The following SLC35D4 variants were observed in gnomAD, a reference collection of about 807,000 sequenced individuals.
The protein encoded by SLC35D4 is solute carrier family 35 member D4.
the SLC35D4 span, among the ~76,000 whole-genome samples, chr18:23,330,820 G>A: frequency 1.3e-5 from 2 of 152,178 alleles, no homozygotes; most frequent in Admixed American, 6.5e-5. Context: ...AAATGCAACA[G>A]CAGCAAAGCA....
the SLC35D4 span, chr18:23,365,574 C>T: frequency 3.8e-6 from 6 of 1,581,498 alleles, no homozygotes; most frequent in Admixed American, 1.7e-5. Flanking sequence ...GAGACAGGCT[C>T]ACTGGGTCCA....
the SLC35D4 span, among the ~76,000 whole-genome samples, chr18:23,328,566 A>T: frequency 2.0e-5 from 3 of 152,198 alleles, no homozygotes; most frequent in Non-Finnish European, 4.4e-5. Context: ...GACACAAACA[A>T]ATGGAAGAAT....
the SLC35D4 span, among the ~76,000 whole-genome samples, chr18:23,361,026 C>G: frequency 3.0e-4 from 41 of 135,174 alleles, no homozygotes; most frequent in Non-Finnish European, 5.1e-4. Context: ...CACTTGAACC[C>G]AGGAGGCAGA....
chr18:23,259,071 C>T, the SLC35D4 span: 1 of 151,692 alleles, frequency 6.6e-6, no homozygotes, highest in Non-Finnish European at 1.5e-5. Flanking sequence ...TCAACTGGTA[C>T]TTAGGGCACT....
At chr18:23,255,344 C>T in the SLC35D4 span, among the ~76,000 whole-genome samples, 1 of 152,058 alleles carries the variant, frequency 6.6e-6, no homozygotes, top group African/African-American at 2.4e-5. Context: ...GTCTAGCTGT[C>T]TTCAGTGGCA....
the SLC35D4 span, among the ~76,000 whole-genome samples, chr18:23,329,015 G>A: frequency 2.0e-5 from 3 of 152,180 alleles, no homozygotes; most frequent in African/African-American, 7.2e-5. Flanking sequence ...GTAGAAAGCT[G>A]AAACTGGATC....
chr18:23,303,737 C>T, the SLC35D4 span, among the ~76,000 whole-genome samples: 1 of 150,832 alleles, frequency 6.6e-6, no homozygotes, highest in Non-Finnish European at 1.5e-5. Flanking sequence ...CTGGTCTCTC[C>T]TAAAAATACA....
the SLC35D4 span, among the ~76,000 whole-genome samples, chr18:23,388,264 G>T: frequency 6.6e-6 from 1 of 152,124 alleles, no homozygotes; most frequent in Non-Finnish European, 1.5e-5. Context: ...TATACATGTA[G>T]AATTAATTTT....
chr18:23,293,123 A>G, the SLC35D4 span, among the ~76,000 whole-genome samples: 3 of 152,206 alleles, frequency 2.0e-5, no homozygotes, highest in Non-Finnish European at 4.4e-5. Context: ...GCATGCCTGT[A>G]ATCCCAGCTA....
At chr18:23,437,791 A>G in the SLC35D4 span, 3 of 1,611,082 alleles carry the variant, frequency 1.9e-6, no homozygotes, top group Non-Finnish European at 2.5e-6. Context: ...CTTGTTCGTG[A>G]GGTAAGAAGC....
the SLC35D4 span, among the ~76,000 whole-genome samples, chr18:23,350,106 G>T: frequency 2.6e-5 from 4 of 152,036 alleles, no homozygotes; most frequent in Non-Finnish European, 2.9e-5. Context: ...CATAACATAC[G>T]GTAGCAACTC....
At chr18:23,260,642 A>C in the SLC35D4 span, among the ~76,000 whole-genome samples, 1 of 150,366 alleles carries the variant, frequency 6.7e-6, no homozygotes, top group African/African-American at 2.4e-5. Context: ...AATGAAGTGC[A>C]TTTGAGCCAG....
the SLC35D4 span, among the ~76,000 whole-genome samples, chr18:23,399,887 A>G: frequency 1.3e-5 from 2 of 152,246 alleles, no homozygotes; most frequent in African/African-American, 4.8e-5. Flanking sequence ...AGAAATGGAA[A>G]TGGCAAACGC....
At chr18:23,425,420 G>T in the SLC35D4 span, among the ~76,000 whole-genome samples, 2 of 152,174 alleles carry the variant, frequency 1.3e-5, no homozygotes, top group Non-Finnish European at 2.9e-5. Flanking sequence ...ACTTTATACA[G>T]ATGCTCTTCA....
At chr18:23,283,235 C>T in the SLC35D4 span, among the ~76,000 whole-genome samples, 6 of 151,920 alleles carry the variant, frequency 3.9e-5, no homozygotes, top group Non-Finnish European at 8.8e-5. Flanking sequence ...ACCTGTAACC[C>T]CAGTACTTTG....
At chr18:23,376,554 G>A in the SLC35D4 span, among the ~76,000 whole-genome samples, 2 of 152,256 alleles carry the variant, frequency 1.3e-5, no homozygotes, top group African/African-American at 2.4e-5. Flanking sequence ...ACAGTGGGGT[G>A]AGTGGAGAAG....
At chr18:23,396,758 G>C in the SLC35D4 span, among the ~76,000 whole-genome samples, 30 of 152,208 alleles carry the variant, frequency 2.0e-4, no homozygotes, top group African/African-American at 6.7e-4. Context: ...CTAAAAAAAG[G>C]CTGTGCTCTA....
the SLC35D4 span, among the ~76,000 whole-genome samples, chr18:23,266,406 C>CAA: frequency 3.9e-3 from 400 of 103,662 alleles, 3 homozygotes; most frequent in African/African-American, 0.013. Flanking sequence ...TAATTCTTAG[C>CAA]AAAAAAAAAA....
At chr18:23,420,491 AG>A in the SLC35D4 span, among the ~76,000 whole-genome samples, 1 of 151,878 alleles carries the variant, frequency 6.6e-6, no homozygotes, top group Non-Finnish European at 1.5e-5. Context: ...CTCCCACCTC[AG>A]TCTCCCAAGT....
Sources: allele counts gnomAD v4.1 joint callset (sites outside exome capture counted in the v4.1 genomes callset), GRCh38; gene constraint gnomAD v4.1.1; transcripts MANE v1.5; gene names NCBI Gene and HGNC (gene_info 2026-07-23, HGNC 2026-07-21).